Variants in PTPRM observed in about 807,000 individuals in gnomAD.
PTPRM encodes receptor-type tyrosine-protein phosphatase mu.
A neutral mutation model predicts 186.7 loss-of-function variants in PTPRM; 47 were observed. The ratio of observed to expected loss-of-function variants is 0.25; its 90% CI spans 0.20 to 0.32. The LOEUF is 0.32. Ranked by LOEUF, PTPRM falls within the 10% of genes least tolerant of loss-of-function variation. PTPRM has a pLI of 1.00. For missense variants in PTPRM, 1,494 were observed against 1,865.0 expected (o/e 0.80, Z 3.66); for synonymous variants, 668 against 674.9 (o/e 0.99, Z 0.16).
At chr18:8,142,062 A>C (rs1435309956) in intron 13 of PTPRM, among the ~76,000 whole-genome samples, 41 of 152,192 alleles carry the variant, frequency 2.7e-4, no homozygotes, top group Admixed American at 2.7e-3. Context: ...TGTATTTCAG[A>C]TGTAATTACC....
chr18:8,166,918 T>C (rs2093332029), intron 14 of PTPRM, among the ~76,000 whole-genome samples: 1 of 152,236 alleles, frequency 6.6e-6, no homozygotes, highest in Admixed American at 6.5e-5. Flanking sequence ...AAGATCTACC[T>C]GTTGAGCTGG....
chr18:7,894,428 A>G (rs914033582), intron 3 of PTPRM, among the ~76,000 whole-genome samples: 7 of 151,756 alleles, frequency 4.6e-5, no homozygotes, highest in Non-Finnish European at 8.8e-5. Context: ...CTACTAAAAA[A>G]CACAAAAAAT....
intron 1 of PTPRM, among the ~76,000 whole-genome samples, chr18:7,771,313 G>A (rs898614416): frequency 1.1e-4 from 17 of 152,158 alleles, no homozygotes; most frequent in African/African-American, 4.1e-4. Context: ...TATTAGTGCT[G>A]TTGCCATTTG....
rs755503991 is a variant in PTPRM, at chr18:8,394,480, G to A, written c.4213G>A (p.Gly1405Arg). The part of the protein sequence containing the change: ...EGRTVVHCLN[G>R]GGRSGTFCAI... ...ATCTGATCTTTTTCACGACAGGAACGGGGGAGGCCGCAGTGGGACGTTCTG... is the reference window on the plus strand; with the variant it reads ...ATCTGATCTTTTTCACGACAGGAACAGGGGAGGCCGCAGTGGGACGTTCTG... The change falls in exon 32 of 33, where the codon GGG becomes AGG. Residue 1405 changes from glycine to arginine, a missense_variant. Coordinates refer to ENST00000580170, the MANE Select transcript of PTPRM (RefSeq NM_001105244.2). 5 of 1,608,418 alleles carry A rather than the reference G, an allele frequency of 3.1e-6. No individual in the cohort carries two copies. The highest frequency in any genetic ancestry group is 1.7e-4 in the Middle Eastern group (1 of 6,038).
chr18:7,675,445 C>A (rs1250601579), intron 1 of PTPRM, among the ~76,000 whole-genome samples: 2 of 152,042 alleles, frequency 1.3e-5, no homozygotes, highest in African/African-American at 4.8e-5. Context: ...TCACCAGGAG[C>A]CCACTGAGAG....
intron 7 of PTPRM, among the ~76,000 whole-genome samples, chr18:8,023,870 A>ATG (rs2085390568): frequency 6.7e-6 from 1 of 149,264 alleles, no homozygotes; most frequent in South Asian, 2.1e-4. Context: ...ACACACACAC[A>ATG]CGCACACCCC....
intron 5 of PTPRM, among the ~76,000 whole-genome samples, chr18:7,928,038 A>C (rs2051274499): frequency 6.6e-6 from 1 of 152,176 alleles, no homozygotes; most frequent in Non-Finnish European, 1.5e-5. Context: ...CACTGCACCC[A>C]GCCCAGTAGT....
chr18:8,394,482 G>C lies in PTPRM; in HGVS notation c.4215G>C (p.Gly1405=). The change falls in exon 32 of 33, where the codon GGG becomes GGC. Residue 1405 remains glycine (G), a synonymous_variant. Transcript: ENST00000580170. The part of the protein sequence containing the change: ...EGRTVVHCLN[G]GGRSGTFCAI... The stretch of plus-strand genomic sequence containing the variant: ...CTGATCTTTTTCACGACAGGAACGG[G>C]GGAGGCCGCAGTGGGACGTTCTGCG... 6.2e-7 allele frequency: 1 copy of C among 1,611,008 alleles called. No individual in the cohort carries two copies. The highest frequency in any genetic ancestry group is 1.3e-5 in the African/African-American group (1 of 74,882).
At chr18:7,706,630 A>C (rs1253307080) in intron 1 of PTPRM, among the ~76,000 whole-genome samples, 2 of 144,846 alleles carry the variant, frequency 1.4e-5, no homozygotes, top group Non-Finnish European at 3.0e-5. Context: ...AAAAAAAAAA[A>C]CAACAAAATG....
At chr18:8,010,466 T>G (rs1283053011) in intron 7 of PTPRM, among the ~76,000 whole-genome samples, 2 of 152,246 alleles carry the variant, frequency 1.3e-5, no homozygotes, top group Non-Finnish European at 2.9e-5. Flanking sequence ...AGTTTTGTTT[T>G]CATGGTCTCA....
intron 2 of PTPRM, among the ~76,000 whole-genome samples, chr18:7,811,002 C>T (rs2044482359): frequency 6.6e-6 from 1 of 152,068 alleles, no homozygotes. Context: ...TTATTTTATC[C>T]TTTGCCCAGT....
At chr18:7,697,509 G>A (rs957152525) in intron 1 of PTPRM, among the ~76,000 whole-genome samples, 1 of 152,142 alleles carries the variant, frequency 6.6e-6, no homozygotes, top group Admixed American at 6.5e-5. Context: ...GTCCAGTAGG[G>A]CGATGAAAGA....
intron 5 of PTPRM, among the ~76,000 whole-genome samples, chr18:7,934,155 G>A (rs2051655680): frequency 6.6e-6 from 1 of 152,060 alleles, no homozygotes; most frequent in Non-Finnish European, 1.5e-5. Context: ...TTGCACAATG[G>A]CAACACCTGT....
At chr18:8,039,045 GAAGT>G (rs1465299530) in intron 7 of PTPRM, among the ~76,000 whole-genome samples, 1 of 152,036 alleles carries the variant, frequency 6.6e-6, no homozygotes, top group Non-Finnish European at 1.5e-5. Flanking sequence ...ATGCAACTCA[GAAGT>G]AATTACCAAA....
chr18:7,906,641 T>C, intron 4 of PTPRM, 58 bp downstream of exon 4: 2 of 1,334,498 alleles, frequency 1.5e-6, no homozygotes, highest in Non-Finnish European at 2.2e-6. Context: ...GTTTACATTA[T>C]GAATGAAGAG....
chr18:7,822,909 C>T (rs1022926990), intron 2 of PTPRM, among the ~76,000 whole-genome samples: 1 of 152,146 alleles, frequency 6.6e-6, no homozygotes, highest in African/African-American at 2.4e-5. Flanking sequence ...GCCAGGCTTG[C>T]TCTCCGGGGA....
At chr18:8,279,016 A>G (rs1349147149) in intron 19 of PTPRM, among the ~76,000 whole-genome samples, 3 of 152,154 alleles carry the variant, frequency 2.0e-5, no homozygotes, top group Non-Finnish European at 4.4e-5. Flanking sequence ...AACATGGCAC[A>G]TGTATACATA....
chr18:8,130,546 A>G (rs1188955016), intron 13 of PTPRM, among the ~76,000 whole-genome samples: 1 of 152,234 alleles, frequency 6.6e-6, no homozygotes, highest in African/African-American at 2.4e-5. Context: ...AAAAATGTCA[A>G]GCTTGCAGTG....
At chr18:7,610,175 C>G (rs1424410667) in intron 1 of PTPRM, among the ~76,000 whole-genome samples, 1 of 152,108 alleles carries the variant, frequency 6.6e-6, no homozygotes, top group Admixed American at 6.5e-5. Context: ...CTTATGCTGA[C>G]CTTGAAATTA....
Sources: gnomAD v4.1 joint callset for allele counts (sites outside exome capture counted in the v4.1 genomes callset) on GRCh38, gnomAD v4.1.1 for gene constraint, MANE v1.5 for transcripts, NCBI Gene and HGNC (gene_info 2026-07-23, HGNC 2026-07-21) for gene names.